The following CD99 variants were observed in gnomAD, a reference collection of about 807,000 sequenced individuals.
The protein encoded by CD99 is CD99 molecule (Xg blood group).
In CD99, 19 loss-of-function variants were observed where a neutral mutation model predicts 28.4. That is an observed-to-expected ratio of 0.67 (90% confidence interval 0.47 to 0.98). The LOEUF is 0.98. Among genes scored for constraint, CD99 ranks in the 50% least tolerant of loss-of-function variants. CD99 has a pLI of 0.00. For synonymous variants in CD99, 103 were observed against 92.1 expected (o/e 1.12, Z -0.67); for missense variants, 283 against 248.8 (o/e 1.14, Z -0.92).
chrX:2,722,377 G>A (rs1163094501), intron 5 of CD99, among the ~76,000 whole-genome samples: 1 of 152,128 alleles, frequency 6.6e-6, no homozygotes, highest in East Asian at 1.9e-4. Flanking sequence ...CTGGAGTGCA[G>A]TGGTGCCATC....
chrX:2,731,803 A>G (rs1048157476), intron 8 of CD99, among the ~76,000 whole-genome samples: 1 of 152,110 alleles, frequency 6.6e-6, no homozygotes, highest in African/African-American at 2.4e-5. Flanking sequence ...GTGACTTGAT[A>G]TAGATTTACT....
chrX:2,736,869 A>G (rs1350817078), intron 8 of CD99, among the ~76,000 whole-genome samples: 1 of 148,522 alleles, frequency 6.7e-6, no homozygotes, highest in Non-Finnish European at 1.5e-5. Flanking sequence ...AGAAATAATA[A>G]TAATAATAAA....
intron 8 of CD99, among the ~76,000 whole-genome samples, chrX:2,730,346 A>G (rs1266999362): frequency 1.3e-5 from 2 of 151,104 alleles, no homozygotes; most frequent in Non-Finnish European, 1.5e-5. Flanking sequence ...CTAATTTTTC[A>G]TATTTTTAGT....
intron 8 of CD99, chrX:2,733,471 C>T: frequency 7.6e-7 from 1 of 1,313,712 alleles, no homozygotes; most frequent in East Asian, 2.5e-5. Flanking sequence ...CCATCTGCCG[C>T]TCCCCTCGCC....
At chrX:2,702,051 T>C (rs2047889079) in intron 1 of CD99, among the ~76,000 whole-genome samples, 1 of 152,146 alleles carries the variant, frequency 6.6e-6, no homozygotes, top group African/African-American at 2.4e-5. Flanking sequence ...CAGATGTGTG[T>C]AATTTGCTGC....
chrX:2,721,363 A>T (rs2048984667), intron 5 of CD99, among the ~76,000 whole-genome samples: 1 of 152,004 alleles, frequency 6.6e-6, no homozygotes, highest in Admixed American at 6.6e-5. Context: ...ATTAAACATA[A>T]GAGCATACCA....
intron 1 of CD99, chrX:2,691,856 C>T (rs751383165): frequency 2.1e-5 from 16 of 778,576 alleles, no homozygotes; most frequent in African/African-American, 2.0e-4. Context: ...CAGCCACGCC[C>T]TGCGTCCCGG....
Position 2,723,327 on chromosome X carries a change from T to G in CD99, c.324T>G (p.Ser108Arg). 6.2e-7 allele frequency: 1 copy of G among 1,613,860 alleles called. No homozygotes were observed. The highest frequency in any genetic ancestry group is 8.5e-7 in the Non-Finnish European group (1 of 1,179,836). The change falls in exon 7 of 10, where the codon AGT becomes AGG. Residue 108 changes from serine to arginine, a missense_variant. Ser to Arg is a moderately radical substitution (Grantham distance 110). Transcript: ENST00000381192. Reference sequence around the variant, plus strand: ...TTTGTCTTGCAGGAAAAGGAGGCAGTGATGGTGGAGGCAGCCACAGGAAAG... The same window carrying G: ...TTTGTCTTGCAGGAAAAGGAGGCAGGGATGGTGGAGGCAGCCACAGGAAAG... ...GVSGGEGKGG[S>R]DGGGSHRKEG...
chrX:2,698,641 C>CT (rs2047690639), intron 1 of CD99, among the ~76,000 whole-genome samples: 1 of 151,840 alleles, frequency 6.6e-6, no homozygotes, highest in Non-Finnish European at 1.5e-5. Context: ...TAATTTTTAC[C>CT]TTTTTTGTAG....
At position 2,719,455 on chromosome X, in the gene CD99, T is replaced by A; in HGVS notation, c.149-206T>A. ...CTAGCTTTTTATCTGTCTCTGTCTC[T>A]CTGTTTTTTCCTCTTTTTATCTGAG... is the stretch of plus-strand genomic sequence containing the variant. On this transcript the variant is annotated intron_variant, in intron 3 of 9. Coordinates refer to ENST00000381192, the MANE Select transcript of CD99 (RefSeq NM_002414.5). The A allele has an allele frequency of 3.8e-5, 24 of 633,624 alleles. 1 individual carries two copies. In the South Asian group the frequency reaches 4.9e-4, roughly 13 times the overall value. The allele number at this position is 633,624 out of a possible 1,614,324, so 39.3% of individuals were successfully genotyped here.
intron 3 of CD99, 162 bp from the exon 4 acceptor site, chrX:2,719,499 T>C: frequency 1.5e-6 from 1 of 685,684 alleles, no homozygotes; most frequent in Non-Finnish European, 2.7e-6. Flanking sequence ...GATGTAAAAA[T>C]GGTCAGGAAT....
At chrX:2,711,256 T>C (rs2048390625) in intron 1 of CD99, among the ~76,000 whole-genome samples, 1 of 147,942 alleles carries the variant, frequency 6.8e-6, no homozygotes, top group Admixed American at 6.8e-5. Flanking sequence ...TGTATATATA[T>C]ATTTGTATAA....
intron 3 of CD99, 178 bp downstream of exon 3, chrX:2,717,830 A>G (rs2048803372): frequency 6.5e-6 from 4 of 618,218 alleles, no homozygotes; most frequent in South Asian, 2.2e-5. Context: ...TAGTGATTCC[A>G]GTAAAAGAAT....
rs181433854 is a variant in CD99, at chrX:2,717,993, G to A, written c.148+341G>A. On this transcript the variant is annotated intron_variant, in intron 3 of 9. Transcript: ENST00000381192. ...TTTCATTCTTGTCTCCCAGGCTGGA[G>A]TGCAGTGGTGTGATCTTGGCTCACT... 3.8e-3 allele frequency: 1,030 copies of A among 273,798 alleles called. 6 individuals carry two copies. Among genetic ancestry groups the A allele is most frequent in the Admixed American group, 6.7e-3 (140 of 20,790 alleles). 17.0% of individuals were successfully genotyped at this position (273,798 alleles called of 1,614,324 possible). A position where few individuals can be genotyped will look rare whatever the true frequency, so the allele number is the denominator to read the frequency against.
At chrX:2,725,610 C>T (rs998743655) in intron 7 of CD99, among the ~76,000 whole-genome samples, 1 of 151,656 alleles carries the variant, frequency 6.6e-6, no homozygotes, top group African/African-American at 2.4e-5. Context: ...CTCTCTCTTT[C>T]TTTTTTGTTT....
rs1358673253 is a variant in CD99 at position 2,719,654 on chromosome X, CTT to C, written c.149-4_149-3del. The C allele has an allele frequency of 9.3e-6, 15 of 1,613,272 alleles. No homozygotes were observed. The highest frequency in any genetic ancestry group is 3.3e-4 in the Middle Eastern group (2 of 6,056). On this transcript the variant is annotated splice_region_variant and splice_polypyrimidine_tract_variant and intron_variant, in intron 3 of 9. Transcript: ENST00000381192. ...TTTGGTATTAACTGCTCTTTCCCCTCTTTTAGGGGATGACTTTGACTTAGGAG... is the reference window on the plus strand; with the variant it reads ...TTTGGTATTAACTGCTCTTTCCCCTCTTAGGGGATGACTTTGACTTAGGAG...
chrX:2,704,838 C>T (rs941615554), intron 1 of CD99, among the ~76,000 whole-genome samples: 2 of 152,194 alleles, frequency 1.3e-5, no homozygotes, highest in Non-Finnish European at 2.9e-5. Flanking sequence ...CCTCAGCCTC[C>T]CAAGTAGCTG....
chrX:2,716,304 A>C (rs2048712671), intron 2 of CD99, among the ~76,000 whole-genome samples: 1 of 151,692 alleles, frequency 6.6e-6, no homozygotes, highest in Admixed American at 6.6e-5. Flanking sequence ...GGCATGAGCC[A>C]CTGAGCCCAG....
At chrX:2,740,724 C>G in intron 9 of CD99, 55 bp from the exon 10 acceptor site, 2 of 1,587,100 alleles carry the variant, frequency 1.3e-6, no homozygotes, top group Non-Finnish European at 1.7e-6. Flanking sequence ...GAACTGTGTC[C>G]ACGTGAGTGC....
Sources: gnomAD v4.1 joint callset for allele counts (sites outside exome capture counted in the v4.1 genomes callset) on GRCh38, gnomAD v4.1.1 for gene constraint, MANE v1.5 for transcripts, NCBI Gene and HGNC (gene_info 2026-07-23, HGNC 2026-07-21) for gene names.